Variants in PPHLN1 observed in about 807,000 individuals in gnomAD.
The protein encoded by PPHLN1 is periphilin 1.
A neutral mutation model predicts 51.3 loss-of-function variants in PPHLN1; 29 were observed. That is an observed-to-expected ratio of 0.57 (90% confidence interval 0.42 to 0.77). PPHLN1 has a LOEUF of 0.77. Among genes scored for constraint, PPHLN1 ranks in the 30% least tolerant of loss-of-function variants. PPHLN1 has a pLI of 0.00. For synonymous variants in PPHLN1, 147 were observed against 147.8 expected (o/e 0.99, Z 0.04); for missense variants, 436 against 438.4 (o/e 0.99, Z 0.05).
At chr12:42,389,321 C>T (rs569675068) in intron 7 of PPHLN1, among the ~76,000 whole-genome samples, 2 of 151,264 alleles carry the variant, frequency 1.3e-5, no homozygotes, top group Admixed American at 6.6e-5. Context: ...TGCAGTGAGC[C>T]GAGATCACGC....
At chr12:42,367,798 G>T (rs2075414780) in intron 4 of PPHLN1, among the ~76,000 whole-genome samples, 1 of 152,148 alleles carries the variant, frequency 6.6e-6, no homozygotes, top group African/African-American at 2.4e-5. Context: ...ACAGTGGCGT[G>T]ATCTTGGCTC....
chr12:42,373,718 T>G (rs2075998486), intron 4 of PPHLN1, among the ~76,000 whole-genome samples: 1 of 152,238 alleles, frequency 6.6e-6, no homozygotes, highest in Non-Finnish European at 1.5e-5. Context: ...TAAAATGGTT[T>G]TGCTTTATAA....
At chr12:42,384,672 C>T (rs375310289) in intron 5 of PPHLN1, among the ~76,000 whole-genome samples, 70 of 152,316 alleles carry the variant, frequency 4.6e-4, no homozygotes, top group African/African-American at 1.5e-3. Context: ...TCATTCCTTT[C>T]TGCCCTTGTT....
Position 42,393,688 on chromosome 12 carries a change from A to G in PPHLN1, c.767A>G (p.Glu256Gly). 3 of 1,600,394 alleles carry G rather than the reference A, an allele frequency of 1.9e-6. No homozygotes were observed. Among genetic ancestry groups the G allele is most frequent in the South Asian group, 2.3e-5 (2 of 88,070 alleles). ...ESNLPEISEY[E>G]AGSTAPLFTD... is the part of the protein sequence containing the mutation. Reference sequence around the variant, plus strand: ...AACTTGCCTGAAATTTCTGAGTATGAGGTAAGGCATAATGTCTCCTTTATG... The same window carrying G: ...AACTTGCCTGAAATTTCTGAGTATGGGGTAAGGCATAATGTCTCCTTTATG... The change falls in exon 8 of 10, where the codon GAG (glutamate) becomes GGG (glycine). Residue 256 changes from glutamate to glycine, a missense_variant and splice_region_variant. Coordinates refer to ENST00000358314, the MANE Select transcript of PPHLN1 (RefSeq NM_201439.2).
intron 9 of PPHLN1, among the ~76,000 whole-genome samples, chr12:42,426,031 C>T (rs2081423800): frequency 6.6e-6 from 1 of 152,186 alleles, no homozygotes; most frequent in Non-Finnish European, 1.5e-5. Flanking sequence ...ATGCTTTTCC[C>T]AGCATGGGGC....
chr12:42,422,575 C>T (rs948999666), intron 9 of PPHLN1, among the ~76,000 whole-genome samples: 3 of 152,078 alleles, frequency 2.0e-5, no homozygotes, highest in Admixed American at 1.3e-4. Flanking sequence ...CTAAAATTGA[C>T]GAGTCATTCC....
chr12:42,406,587 C>T (rs1020505629), intron 9 of PPHLN1, among the ~76,000 whole-genome samples: 10 of 152,022 alleles, frequency 6.6e-5, no homozygotes, highest in East Asian at 1.9e-4. Flanking sequence ...TTTTGTAAAA[C>T]GGCTATTGAA....
downstream of PPHLN1, chr12:42,442,521 C>T (rs556554616): frequency 6.3e-5 from 85 of 1,356,656 alleles, 1 homozygote; most frequent in South Asian, 5.5e-4. Context: ...TAAATACAAG[C>T]GGCTCCAGCT....
At position 42,441,730 on chromosome 12, in the gene PPHLN1, G is replaced by A. The variant is rs142178235; in HGVS notation, c.*221G>A. The A allele has an allele frequency of 9.3e-4, 1,099 of 1,183,348 alleles. 16 individuals carry two copies. In the African/African-American group the frequency reaches 0.016, roughly 17 times the overall value. 73.3% of individuals were successfully genotyped at this position (1,183,348 alleles called of 1,614,324 possible). A position where few individuals can be genotyped will look rare whatever the true frequency, so the allele number is the denominator to read the frequency against. On this transcript the variant is annotated 3_prime_UTR_variant, in exon 10 of 10. Transcript: ENST00000358314. ...GAGATGGGGTTCACCATGTTGGCCAGGCTAGTCTCTAACTCCTGGCCTCAA... is the reference window on the plus strand; with the variant it reads ...GAGATGGGGTTCACCATGTTGGCCAAGCTAGTCTCTAACTCCTGGCCTCAA...
At chr12:42,360,110 C>CAAAAAAAAAAAAAAAAAAA (rs10643805) in intron 4 of PPHLN1, among the ~76,000 whole-genome samples, 46 of 123,070 alleles carry the variant, frequency 3.7e-4, no homozygotes, top group African/African-American at 9.3e-4. Flanking sequence ...GACTCCATCT[C>CAAAAAAAAAAAAAAAAAAA]AAAAAAAAAA....
intron 7 of PPHLN1, 32 bp from the exon 8 acceptor site, chr12:42,393,538 G>T (rs1051205930): frequency 1.3e-6 from 2 of 1,541,238 alleles, no homozygotes; most frequent in African/African-American, 2.8e-5. Context: ...AAGCCCTTGA[G>T]AATTGTAACA....
intron 2 of PPHLN1, among the ~76,000 whole-genome samples, chr12:42,349,083 TGA>T (rs1339607585): frequency 2.0e-5 from 3 of 152,196 alleles, no homozygotes; most frequent in Non-Finnish European, 2.9e-5. Flanking sequence ...TCCTAGCTAT[TGA>T]GAGATTTGAA....
intron 3 of PPHLN1, among the ~76,000 whole-genome samples, 167 bp downstream of exon 3, chr12:42,352,216 G>A (rs771139142): frequency 4.8e-4 from 73 of 152,096 alleles, no homozygotes; most frequent in Non-Finnish European, 9.0e-4. Flanking sequence ...TAATAGTCAA[G>A]AATCTTGGGG....
intron 4 of PPHLN1, 24 bp from the exon 5 acceptor site, chr12:42,374,834 CTTATT>C: frequency 6.6e-7 from 1 of 1,504,060 alleles, no homozygotes; most frequent in Non-Finnish European, 9.1e-7. Flanking sequence ...GTATAATTAA[CTTATT>C]TTATGTTTTT....
intron 7 of PPHLN1, among the ~76,000 whole-genome samples, chr12:42,388,090 C>T (rs1196813478): frequency 6.6e-6 from 1 of 152,138 alleles, no homozygotes; most frequent in Admixed American, 6.5e-5. Flanking sequence ...TGAAATATGG[C>T]CTTGTGGGAT....
At chr12:42,414,501 T>A (rs1433381898) in intron 9 of PPHLN1, among the ~76,000 whole-genome samples, 1 of 152,068 alleles carries the variant, frequency 6.6e-6, no homozygotes, top group Non-Finnish European at 1.5e-5. Flanking sequence ...TGGTTAAGGA[T>A]ATTCCTAGGT....
At chr12:42,416,585 C>T (rs118067598) in intron 9 of PPHLN1, among the ~76,000 whole-genome samples, 1,765 of 152,238 alleles carry the variant, frequency 0.012, 22 homozygotes, top group Non-Finnish European at 0.019. Flanking sequence ...GAACAACTCA[C>T]GGAATTCAGG....
chr12:42,446,076 C>T, downstream of PPHLN1: 1 of 1,550,080 alleles, frequency 6.5e-7, no homozygotes, highest in Non-Finnish European at 8.7e-7. Flanking sequence ...GCCCCGCAGC[C>T]CCCGCAGGCC....
At chr12:42,412,455 C>T (rs73272063) in intron 9 of PPHLN1, among the ~76,000 whole-genome samples, 1 of 151,690 alleles carries the variant, frequency 6.6e-6, no homozygotes, top group Non-Finnish European at 1.5e-5. Context: ...AATAGTATTC[C>T]GTGGTGTATA....
Sources: gnomAD v4.1 joint callset for allele counts (sites outside exome capture counted in the v4.1 genomes callset) on GRCh38, gnomAD v4.1.1 for gene constraint, MANE v1.5 for transcripts, NCBI Gene and HGNC (gene_info 2026-07-23, HGNC 2026-07-21) for gene names.